VPS26B: variants seen among roughly 807,000 people sequenced by gnomAD.
The protein encoded by VPS26B is VPS26 retromer complex component B, also known as vacuolar protein sorting-associated protein 26B.
VPS26B carries 10 observed loss-of-function variants against 33.3 expected under a neutral mutation model. The ratio of observed to expected loss-of-function variants is 0.30; its 90% CI spans 0.19 to 0.51. The LOEUF (loss-of-function observed/expected upper bound fraction) is 0.51, where lower values mean the gene tolerates loss of function less well. Among genes scored for constraint, VPS26B ranks in the 20% least tolerant of loss-of-function variants. VPS26B has a pLI of 0.98. For missense variants in VPS26B, 317 were observed against 452.7 expected, an observed-to-expected ratio of 0.70 and a Z score of 2.72; for synonymous variants, 190 against 176.9, an observed-to-expected ratio of 1.07 and a Z score of -0.59.
At position 134,244,991 on chromosome 11, in the gene VPS26B, A is replaced by C. The variant is rs1209657435; in HGVS notation, c.775A>C (p.Met259Leu). Residue 259 changes from methionine (M) to leucine (L), a missense_variant, in exon 5 of 6, where the codon ATG (methionine) becomes CTG (leucine). Coordinates refer to ENST00000281187, the MANE Select transcript of VPS26B (RefSeq NM_052875.5). The surrounding 1 kb of genome is among the most constrained non-coding windows in gnomAD (Gnocchi z 4.0). The stretch of plus-strand genomic sequence containing the variant: ...GGCCGGGTATGAGCTCACGCCCACC[A>C]TGCGGGACATCAACAAGAAGTTCTC... ...FLAGYELTPTMRDINKKFSVR... is the reference protein window; with the variant it reads ...FLAGYELTPTLRDINKKFSVR... The C allele has an allele frequency of 8.7e-6, 14 of 1,614,024 alleles. No individual in the cohort carries two copies. Among genetic ancestry groups the C allele is most frequent in the Non-Finnish European group, 1.1e-5 (13 of 1,180,028 alleles).
chr11:134,230,795 T>A (rs559480605), intron 1 of VPS26B, among the ~76,000 whole-genome samples: 1 of 152,222 alleles, frequency 6.6e-6, no homozygotes, highest in Non-Finnish European at 1.5e-5. Context: ...ATTTATTCAC[T>A]TATGTGGTGG....
intron 1 of VPS26B, among the ~76,000 whole-genome samples, chr11:134,226,953 T>G (rs1370068375): frequency 6.6e-6 from 1 of 152,202 alleles, no homozygotes; most frequent in Non-Finnish European, 1.5e-5. Context: ...GGTCTTAGTG[T>G]ACCAGAAAAG....
At chr11:134,225,507 C>T in intron 1 of VPS26B, 162 bp downstream of exon 1, 1 of 716,368 alleles carries the variant, frequency 1.4e-6, no homozygotes, top group Non-Finnish European at 2.4e-6. Context: ...GCGACTCCCC[C>T]TGCGTTACTG....
chr11:134,243,411 C>T (rs1331194541), intron 4 of VPS26B, 117 bp downstream of exon 4: 3 of 1,235,112 alleles, frequency 2.4e-6, no homozygotes, highest in Non-Finnish European at 3.3e-6. Context: ...TAACCTGTAA[C>T]TTCTTAATCT....
chr11:134,240,943 T>C lies in VPS26B; in HGVS notation c.545+788T>C, dbSNP rs1367564128. ...AGGCATGAGCCACCATGCCCAGCCC[T>C]GATGTATTTTTTATAAAAGTCTTAA... On this transcript the variant is annotated intron_variant, in intron 3 of 5. Coordinates refer to ENST00000281187, the MANE Select transcript of VPS26B (RefSeq NM_052875.5). The surrounding 1 kb of genome is among the most constrained non-coding windows in gnomAD (Gnocchi z 4.4). Among the ~76,000 whole-genome samples the C allele has an allele frequency of 6.6e-6, 1 of 152,158 alleles. No individual in the cohort carries two copies. The highest frequency in any genetic ancestry group is 1.9e-4 in the East Asian group (1 of 5,192).
intron 1 of VPS26B, 67 bp downstream of exon 1, chr11:134,225,412 G>T (rs1183281474): frequency 1.3e-6 from 2 of 1,507,902 alleles, no homozygotes; most frequent in South Asian, 2.3e-5. Context: ...GTGATTCAGG[G>T]CCCAGCTCCT....
At chr11:134,231,899 C>T (rs1368601015) in intron 1 of VPS26B, among the ~76,000 whole-genome samples, 1 of 152,194 alleles carries the variant, frequency 6.6e-6, no homozygotes, top group Non-Finnish European at 1.5e-5. Flanking sequence ...ACTTAGGTTT[C>T]TTCCAAAACT....
In VPS26B at chr11:134,245,435, A is replaced by C; in HGVS notation, c.865-9A>C. The stretch of plus-strand genomic sequence containing the variant: ...AAGGTGTCACATTGCCCCCCTTTCA[A>C]TTCTGCAGGAAGTGGTGTTGTGGCG... On this transcript the variant is annotated splice_polypyrimidine_tract_variant and intron_variant, in intron 5 of 5. Transcript: ENST00000281187. The surrounding 1 kb of genome is among the most constrained non-coding windows in gnomAD (Gnocchi z 4.7). 6.2e-7 allele frequency: 1 copy of C among 1,613,906 alleles called. No individual in the cohort carries two copies. Among genetic ancestry groups the C allele is most frequent in the Non-Finnish European group, 8.5e-7 (1 of 1,179,844 alleles).
chr11:134,243,069 G>A (rs758364584), intron 3 of VPS26B, 50 bp from the exon 4 acceptor site: 4 of 1,598,582 alleles, frequency 2.5e-6, no homozygotes, highest in Non-Finnish European at 3.4e-6. Context: ...GAAACAGAAA[G>A]GTCTGGCCAC....
chr11:134,238,123 C>A (rs775244097), intron 2 of VPS26B, among the ~76,000 whole-genome samples: 3 of 152,116 alleles, frequency 2.0e-5, no homozygotes, highest in Non-Finnish European at 2.9e-5. Flanking sequence ...ATGCCTGTGT[C>A]CCTTTCCAGA....
rs1324001912 is a variant in VPS26B at position 134,245,886 on chromosome 11, G to T, written c.*296G>T. ...CCTCGGGGGGCTGCCTTGCGTCTTA[G>T]AGGAGGGAGAGCAGAGAGCACGCAT... On this transcript the variant is annotated 3_prime_UTR_variant, in exon 6 of 6. Coordinates refer to ENST00000281187, the MANE Select transcript of VPS26B (RefSeq NM_052875.5). This position sits in a 1 kb window ranked among gnomAD's most constrained non-coding sequence, Gnocchi z 4.7. 3 of 385,454 alleles carry T rather than the reference G, an allele frequency of 7.8e-6. No individual in the cohort carries two copies. The highest frequency in any genetic ancestry group is 1.4e-5 in the Non-Finnish European group (3 of 207,148). The allele number at this position is 385,454 out of a possible 1,614,324, so 23.9% of individuals were successfully genotyped here.
Position 134,232,946 on chromosome 11 carries a change from C to T in VPS26B, c.224-1951C>T, listed in dbSNP as rs118118115. Among the ~76,000 whole-genome samples, 967 of 152,302 alleles carry T rather than the reference C, an allele frequency of 6.3e-3. 7 individuals are homozygous for T. Among genetic ancestry groups the T allele is most frequent in the Non-Finnish European group, 0.01 (694 of 68,034 alleles). On this transcript the variant is annotated intron_variant, in intron 1 of 5. Coordinates refer to ENST00000281187, the MANE Select transcript of VPS26B (RefSeq NM_052875.5). ...GGGGCTGGCCGCGGCTCCGCTTCTG[C>T]CTGTCATATACTTCTGACTTTTATT...
chr11:134,240,294 T>G lies in VPS26B; in HGVS notation c.545+139T>G. 1 of 941,650 alleles carries G rather than the reference T, an allele frequency of 1.1e-6. No individual in the cohort carries two copies. Among genetic ancestry groups the G allele is most frequent in the Non-Finnish European group, 1.6e-6 (1 of 612,572 alleles). The allele number at this position is 941,650 out of a possible 1,614,324, so 58.3% of individuals were successfully genotyped here. Reference sequence around the variant, plus strand: ...CGGTGGGGGAAGACCGTGGGAGCAATCCAGTGAGTGTCTATGGCAGGCCAG... The same window carrying G: ...CGGTGGGGGAAGACCGTGGGAGCAAGCCAGTGAGTGTCTATGGCAGGCCAG... On this transcript the variant is annotated intron_variant, in intron 3 of 5. Coordinates refer to ENST00000281187, the MANE Select transcript of VPS26B (RefSeq NM_052875.5). The surrounding 1 kb of genome is among the most constrained non-coding windows in gnomAD (Gnocchi z 4.4).
intron 3 of VPS26B, among the ~76,000 whole-genome samples, chr11:134,242,798 A>T (rs191816518): frequency 6.6e-6 from 1 of 152,244 alleles, no homozygotes; most frequent in African/African-American, 2.4e-5. Context: ...ATACATTAGG[A>T]TATCTTTCAA....
At chr11:134,236,184 A>G (rs1043583321) in intron 2 of VPS26B, among the ~76,000 whole-genome samples, 31 of 148,824 alleles carry the variant, frequency 2.1e-4, no homozygotes, top group African/African-American at 8.1e-4. Flanking sequence ...TAAAAGAAAA[A>G]AAACAAATCT....
At chr11:134,227,138 C>G (rs1032484261) in intron 1 of VPS26B, among the ~76,000 whole-genome samples, 1 of 152,270 alleles carries the variant, frequency 6.6e-6, no homozygotes, top group East Asian at 1.9e-4. Flanking sequence ...TAGCATCCCC[C>G]ACTTGCGACC....
Position 134,240,205 on chromosome 11 carries a change from G to T in VPS26B, c.545+50G>T. The T allele has an allele frequency of 6.3e-7, 1 of 1,590,778 alleles. No individual in the cohort carries two copies. On this transcript the variant is annotated intron_variant, in intron 3 of 5. Coordinates refer to ENST00000281187, the MANE Select transcript of VPS26B (RefSeq NM_052875.5). This position sits in a 1 kb window ranked among gnomAD's most constrained non-coding sequence, Gnocchi z 4.4. Reference sequence around the variant, plus strand: ...TGAAATGATTATTTAAGGAGGTTAAGATGGGACTTGATGCAGATGCAAACT... The same window carrying T: ...TGAAATGATTATTTAAGGAGGTTAATATGGGACTTGATGCAGATGCAAACT...
chr11:134,243,157 TC>T lies in VPS26B; in HGVS notation c.586del (p.Leu196CysfsTer3). 1 of 1,614,166 alleles carries T rather than the reference TC, an allele frequency of 6.2e-7. No individual in the cohort carries two copies. The highest frequency in any genetic ancestry group is 8.5e-7 in the Non-Finnish European group (1 of 1,180,034). On this transcript the variant is annotated frameshift_variant, in exon 4 of 6. Coordinates refer to ENST00000281187, the MANE Select transcript of VPS26B (RefSeq NM_052875.5). LOFTEE classifies it high-confidence loss of function. ...LKDVIVGKIY[F>X]LLVRIKIKHM... ...GATGTCATTGTAGGGAAGATATACT[TC>T]CTGCTGGTGAGAATCAAAATCAAGC...
intron 1 of VPS26B, among the ~76,000 whole-genome samples, chr11:134,225,897 A>G (rs571516455): frequency 1.3e-5 from 2 of 152,288 alleles, no homozygotes; most frequent in South Asian, 4.1e-4. Flanking sequence ...TCAGCCCTGA[A>G]CTACCTATGC....
Sources: gnomAD v4.1 joint callset for allele counts (sites outside exome capture counted in the v4.1 genomes callset) on GRCh38, gnomAD v4.1.1 for gene constraint, Gnocchi (gnomAD v3.1) non-coding constraint, MANE v1.5 for transcripts, NCBI Gene and HGNC (gene_info 2026-07-23, HGNC 2026-07-21) for gene names.